Variants in FILIP1L observed in about 807,000 individuals in gnomAD.
The protein encoded by FILIP1L is filamin A interacting protein 1 like, also known as filamin A-interacting protein 1-like.
In FILIP1L, 55 loss-of-function variants were observed where a neutral mutation model predicts 96.6. That is an observed-to-expected ratio of 0.57 (90% CI 0.46 to 0.71). FILIP1L has a LOEUF of 0.71. FILIP1L is among the 30% of genes least tolerant of loss of function. FILIP1L has a pLI of 0.00. For synonymous variants in FILIP1L, 467 were observed against 473.9 expected (o/e 0.99, Z 0.19); for missense variants, 1,304 against 1,321.2 (o/e 0.99, Z 0.20).
chr3:100,039,103 C>T (rs2065158698), intron 1 of FILIP1L, among the ~76,000 whole-genome samples: 1 of 152,156 alleles, frequency 6.6e-6, no homozygotes, highest in Non-Finnish European at 1.5e-5. Context: ...GGAAATTATG[C>T]TTTCACCAGT....
intron 5 of FILIP1L, among the ~76,000 whole-genome samples, chr3:99,847,474 T>C (rs1943417602): frequency 6.6e-6 from 1 of 152,178 alleles, no homozygotes; most frequent in Admixed American, 6.5e-5. Context: ...AGTCAACTCT[T>C]GATTTGTCAA....
At chr3:100,106,495 T>C (rs1379701334) in intron 1 of FILIP1L, among the ~76,000 whole-genome samples, 1 of 152,130 alleles carries the variant, frequency 6.6e-6, no homozygotes, top group Non-Finnish European at 1.5e-5. Context: ...GCCACCCATC[T>C]GAAAACTGCA....
At chr3:99,896,505 G>A (rs1434954597) in intron 4 of FILIP1L, among the ~76,000 whole-genome samples, 1 of 152,142 alleles carries the variant, frequency 6.6e-6, no homozygotes, top group Non-Finnish European at 1.5e-5. Context: ...TTCATACAGA[G>A]TCCTTTGAGA....
At chr3:99,853,987 T>C (rs968894350) in intron 4 of FILIP1L, among the ~76,000 whole-genome samples, 1 of 152,192 alleles carries the variant, frequency 6.6e-6, no homozygotes, top group African/African-American at 2.4e-5. Flanking sequence ...TGTTACACAT[T>C]GTGTGGTTGT....
At chr3:99,938,509 A>G (rs866436791) in intron 1 of FILIP1L, among the ~76,000 whole-genome samples, 1 of 152,186 alleles carries the variant, frequency 6.6e-6, no homozygotes, top group Non-Finnish European at 1.5e-5. Context: ...AATATATTTA[A>G]CACCCCATAC....
intron 1 of FILIP1L, among the ~76,000 whole-genome samples, chr3:99,933,384 T>C (rs1707551701): frequency 6.6e-6 from 1 of 152,176 alleles, no homozygotes; most frequent in Non-Finnish European, 1.5e-5. Context: ...ATAGAAGGGA[T>C]ATTTTTGTGT....
At chr3:99,879,596 G>A (rs942806351) in intron 4 of FILIP1L, among the ~76,000 whole-genome samples, 10 of 152,262 alleles carry the variant, frequency 6.6e-5, no homozygotes, top group African/African-American at 2.4e-4. Context: ...TGCCAAAGAA[G>A]CAGTAATTAA....
intron 4 of FILIP1L, among the ~76,000 whole-genome samples, chr3:99,907,724 G>A (rs909765772): frequency 1.3e-5 from 2 of 152,074 alleles, no homozygotes; most frequent in African/African-American, 4.8e-5. Context: ...CACCTATAAT[G>A]ATTTTTGTGT....
intron 1 of FILIP1L, among the ~76,000 whole-genome samples, chr3:99,947,972 C>A (rs1456063250): frequency 6.6e-6 from 1 of 152,064 alleles, no homozygotes; most frequent in Non-Finnish European, 1.5e-5. Context: ...AGAATCAGAC[C>A]TGTAGAGCAT....
intron 1 of FILIP1L, among the ~76,000 whole-genome samples, chr3:99,961,474 A>G (rs1235809937): frequency 6.6e-6 from 1 of 152,096 alleles, no homozygotes; most frequent in Non-Finnish European, 1.5e-5. Flanking sequence ...CAGAATCTTA[A>G]CTTTGCAAGG....
chr3:99,920,642 T>C (rs1450148842), intron 4 of FILIP1L, among the ~76,000 whole-genome samples: 2 of 152,194 alleles, frequency 1.3e-5, no homozygotes, highest in Non-Finnish European at 2.9e-5. Context: ...GGAACAGGCT[T>C]TCCTGAGCTG....
chr3:99,924,343 T>C lies in FILIP1L; in HGVS notation c.492A>G (p.Ala164=), dbSNP rs1340302684. 1 of 1,614,146 alleles carries C rather than the reference T, an allele frequency of 6.2e-7. No individual in the cohort carries two copies. Among genetic ancestry groups the C allele is most frequent in the Non-Finnish European group, 8.5e-7 (1 of 1,179,986 alleles). The part of the protein sequence containing the change: ...YRRILGQLLV[A]EKSRRQTILE... ...ATATGGTTTGCCTACGGGATTTTTC[T>C]GCCACTAAAAGCTGTCCCAGGATTC... Residue 164 remains alanine, a synonymous_variant, in exon 4 of 6, where the codon GCA becomes GCG. Transcript: ENST00000477258.
intron 5 of FILIP1L, among the ~76,000 whole-genome samples, chr3:99,832,436 T>C (rs1402888149): frequency 6.7e-6 from 1 of 149,338 alleles, no homozygotes; most frequent in Non-Finnish European, 1.5e-5. Context: ...TTCACTGTGT[T>C]AGCCAGGATG....
chr3:99,875,207 A>T (rs180726087), intron 4 of FILIP1L, among the ~76,000 whole-genome samples: 281 of 152,332 alleles, frequency 1.8e-3, no homozygotes, highest in Middle Eastern at 3.4e-3. Context: ...GAAGTAAAAT[A>T]TTATGGAGAT....
chr3:99,939,791 GT>G (rs1471986611), intron 1 of FILIP1L, among the ~76,000 whole-genome samples: 1 of 152,172 alleles, frequency 6.6e-6, no homozygotes, highest in Non-Finnish European at 1.5e-5. Flanking sequence ...TATTTCCCCA[GT>G]TTGCAGATTC....
intron 1 of FILIP1L, among the ~76,000 whole-genome samples, chr3:100,013,933 A>AC (rs1391725980): frequency 6.6e-6 from 1 of 152,046 alleles, no homozygotes; most frequent in Non-Finnish European, 1.5e-5. Context: ...GAAACTGTGT[A>AC]CCCTTTGAAC....
At chr3:100,058,489 A>T (rs1420157049) in intron 1 of FILIP1L, among the ~76,000 whole-genome samples, 1 of 152,048 alleles carries the variant, frequency 6.6e-6, no homozygotes, top group African/African-American at 2.4e-5. Context: ...CCCATTGATG[A>T]CCTCCTCTCT....
intron 1 of FILIP1L, among the ~76,000 whole-genome samples, chr3:100,053,297 T>C (rs917635728): frequency 2.0e-5 from 3 of 152,162 alleles, no homozygotes; most frequent in South Asian, 2.1e-4. Context: ...GGCTAGAAGT[T>C]TGAAATCAAA....
intron 1 of FILIP1L, among the ~76,000 whole-genome samples, chr3:100,080,098 C>A (rs1195504022): frequency 6.6e-6 from 1 of 152,048 alleles, no homozygotes; most frequent in Non-Finnish European, 1.5e-5. Flanking sequence ...TACTCCATCC[C>A]TCTGCTGAAA....
Sources: allele counts gnomAD v4.1 joint callset (sites outside exome capture counted in the v4.1 genomes callset), GRCh38; gene constraint gnomAD v4.1.1; transcripts MANE v1.5; gene names NCBI Gene and HGNC (gene_info 2026-07-23, HGNC 2026-07-21).